Variants in EBF2 observed in about 807,000 individuals in gnomAD.
The protein encoded by EBF2 is EBF transcription factor 2.
In EBF2, 21 loss-of-function variants were observed where a neutral mutation model predicts 72.8. That is an observed-to-expected ratio of 0.29 (90% CI 0.20 to 0.42). The LOEUF is 0.42. Among genes scored for constraint, EBF2 ranks in the 10% least tolerant of loss-of-function variants. The probability of loss-of-function intolerance (pLI) is 1.00; values close to 1 mark genes in which losing one functional copy is unlikely to be tolerated. For missense variants in EBF2, 637 were observed against 731.2 expected, an observed-to-expected ratio of 0.87 and a Z score of 1.49; for synonymous variants, 299 against 274.2, an observed-to-expected ratio of 1.09 and a Z score of -0.89.
In EBF2 at chr8:25,853,515, C is replaced by T. The variant is rs892332465; in HGVS notation, c.1529-2754G>A. Among the ~76,000 whole-genome samples, 6 of 147,722 alleles carry T rather than the reference C, an allele frequency of 4.1e-5. No homozygotes were observed. The East Asian group carries it at 7.8e-4, about 19-fold the overall frequency. ...CACTAAATAGAAAAACTTAACAGGGCGGGGAAACATATAATAATCTTTCTT... is the reference window on the plus strand; with the variant it reads ...CACTAAATAGAAAAACTTAACAGGGTGGGGAAACATATAATAATCTTTCTT... On this transcript the variant is annotated intron_variant, in intron 14 of 15. Coordinates refer to ENST00000520164, the MANE Select transcript of EBF2 (RefSeq NM_022659.4).
At chr8:25,906,928 T>TA (rs1455770174) in intron 7 of EBF2, among the ~76,000 whole-genome samples, 1 of 152,026 alleles carries the variant, frequency 6.6e-6, no homozygotes, top group Non-Finnish European at 1.5e-5. Context: ...ATGATGGGGT[T>TA]AAAAAATACT....
intron 6 of EBF2, among the ~76,000 whole-genome samples, chr8:25,976,506 C>T (rs1002275152): frequency 1.5e-4 from 23 of 152,160 alleles, no homozygotes; most frequent in Admixed American, 1.2e-3. Flanking sequence ...CAGTATATTT[C>T]GACTGAGGAC....
At chr8:25,957,200 C>G (rs71517863) in intron 6 of EBF2, among the ~76,000 whole-genome samples, 15 of 152,118 alleles carry the variant, frequency 9.9e-5, no homozygotes, top group East Asian at 7.7e-4. Flanking sequence ...CCATTTCCCC[C>G]CCAAGAGCAA....
intron 6 of EBF2, among the ~76,000 whole-genome samples, chr8:25,908,927 G>A (rs1803083193): frequency 6.6e-6 from 1 of 152,122 alleles, no homozygotes; most frequent in Non-Finnish European, 1.5e-5. Context: ...AAAAATGGCA[G>A]GACCCGGCCC....
At chr8:25,863,477 C>T (rs1802247615) in intron 10 of EBF2, among the ~76,000 whole-genome samples, 2 of 152,122 alleles carry the variant, frequency 1.3e-5, no homozygotes, top group Non-Finnish European at 2.9e-5. Context: ...GAATGGCATA[C>T]TTTAGCATTT....
chr8:25,967,686 T>C (rs1231885069), intron 6 of EBF2, among the ~76,000 whole-genome samples: 1 of 152,204 alleles, frequency 6.6e-6, no homozygotes, highest in African/African-American at 2.4e-5. Context: ...AGGGTGAGGA[T>C]GCATTGAAGG....
Position 25,887,851 on chromosome 8 carries a change from T to C in EBF2, c.873A>G (p.Val291=). ...TGTTGCCTCTGCTTACCTCGCTCCA[T>C]ACAAGCATAGTCCCAAACACCACTT... ...GLQVVFGTML[V]WSELITPHAI... Residue 291 remains valine (V), a synonymous_variant, in exon 9 of 16, where the codon GTA becomes GTG. Transcript: ENST00000520164. 6.2e-7 allele frequency: 1 copy of C among 1,608,986 alleles called. No individual in the cohort carries two copies.
chr8:25,857,866 C>T (rs1802125775), intron 14 of EBF2, among the ~76,000 whole-genome samples: 1 of 152,198 alleles, frequency 6.6e-6, no homozygotes, highest in East Asian at 1.9e-4. Context: ...TATTACCCTG[C>T]TCTATTCTAG....
At chr8:25,992,524 T>G (rs2117211238) in intron 6 of EBF2, among the ~76,000 whole-genome samples, 1 of 151,530 alleles carries the variant, frequency 6.6e-6, no homozygotes, top group African/African-American at 2.4e-5. Context: ...ATTAAGAGAG[T>G]GGAGAGGATT....
chr8:25,924,076 G>T (rs1193962077), intron 6 of EBF2, among the ~76,000 whole-genome samples: 1 of 152,132 alleles, frequency 6.6e-6, no homozygotes, highest in East Asian at 1.9e-4. Context: ...AACTTAAGAG[G>T]AAGGCACTCA....
In EBF2 at chr8:26,033,221, A is replaced by C. The variant is rs376105352; in HGVS notation, c.483-68T>G. On this transcript the variant is annotated intron_variant, in intron 5 of 15. Transcript: ENST00000520164. ...ATCAAGAAAATGCAATGAGCACATG[A>C]CAAGAACATTTTTTCCCCCCAGACA... 2.0e-6 allele frequency: 3 copies of C among 1,491,300 alleles called. No homozygotes were observed. The African/African-American group carries it at 4.1e-5, about 21-fold the overall frequency. 92.4% of individuals were successfully genotyped at this position (1,491,300 alleles called of 1,614,324 possible).
rs185644350 is a variant in EBF2, at chr8:26,006,564, A to T, written c.551+26521T>A. Among the ~76,000 whole-genome samples the T allele has an allele frequency of 5.9e-5, 9 of 152,322 alleles. No individual in the cohort carries two copies. The East Asian group carries it at 1.7e-3, about 29-fold the overall frequency. ...ATTCCTTATGACTCTATATTTAAAT[A>T]AACAACCTTCTATATTCTTCCTGAT... On this transcript the variant is annotated intron_variant, in intron 6 of 15. Coordinates refer to ENST00000520164, the MANE Select transcript of EBF2 (RefSeq NM_022659.4).
At position 25,945,315 on chromosome 8, in the gene EBF2, A is replaced by G. The variant is rs564320519; in HGVS notation, c.552-36760T>C. 9.9e-4 allele frequency among the ~76,000 whole-genome samples: 151 copies of G among 152,220 alleles called. 1 individual carries two copies. Among genetic ancestry groups the G allele is most frequent in the African/African-American group, 3.4e-3 (143 of 41,536 alleles). ...CCCCATTCTATATTTATATAGTACT[A>G]TAGTTCAGACCAGAAAATTTCTAGC... On this transcript the variant is annotated intron_variant, in intron 6 of 15. Coordinates refer to ENST00000520164, the MANE Select transcript of EBF2 (RefSeq NM_022659.4).
At chr8:25,981,129 G>A (rs1447653601) in intron 6 of EBF2, among the ~76,000 whole-genome samples, 1 of 152,110 alleles carries the variant, frequency 6.6e-6, no homozygotes. Context: ...CACCCTCCCT[G>A]ATGACCCCTG....
At chr8:26,004,605 G>T (rs1804800939) in intron 6 of EBF2, among the ~76,000 whole-genome samples, 1 of 148,760 alleles carries the variant, frequency 6.7e-6, no homozygotes, top group African/African-American at 2.5e-5. Flanking sequence ...AACCAGGGAG[G>T]CAGAGGTTGC....
chr8:25,894,425 C>T (rs757580587), intron 7 of EBF2, among the ~76,000 whole-genome samples: 9 of 152,130 alleles, frequency 5.9e-5, no homozygotes, highest in Non-Finnish European at 1.3e-4. Flanking sequence ...ACTCCCAGGC[C>T]TTCCCCTTCC....
intron 6 of EBF2, among the ~76,000 whole-genome samples, chr8:25,963,509 A>G (rs753771225): frequency 6.6e-6 from 1 of 152,220 alleles, no homozygotes; most frequent in Non-Finnish European, 1.5e-5. Context: ...AGGACCTTCC[A>G]AAGCCCTCTT....
chr8:25,911,089 T>A (rs1382055664), intron 6 of EBF2, among the ~76,000 whole-genome samples: 1 of 152,114 alleles, frequency 6.6e-6, no homozygotes, highest in Non-Finnish European at 1.5e-5. Flanking sequence ...ATACAAAACC[T>A]TCACTAATCA....
chr8:25,976,017 C>T (rs1259132134), intron 6 of EBF2, among the ~76,000 whole-genome samples: 1 of 152,114 alleles, frequency 6.6e-6, no homozygotes, highest in Admixed American at 6.5e-5. Context: ...AAGCCAGAAA[C>T]GTCCACAGAG....
Sources: gnomAD v4.1 joint callset for allele counts (sites outside exome capture counted in the v4.1 genomes callset) on GRCh38, gnomAD v4.1.1 for gene constraint, MANE v1.5 for transcripts, NCBI Gene and HGNC (gene_info 2026-07-23, HGNC 2026-07-21) for gene names.